Variants in BRDT observed in about 807,000 individuals in gnomAD.
The protein encoded by BRDT is bromodomain testis associated.
In BRDT, 77 loss-of-function variants were observed where a neutral mutation model predicts 113.9. That is an observed-to-expected ratio of 0.68 (90% CI 0.56 to 0.82). BRDT has a LOEUF of 0.82. Ranked by LOEUF, BRDT falls within the 40% of genes least tolerant of loss-of-function variation. The probability of loss-of-function intolerance (pLI) is 0.00; values close to 1 mark genes in which losing one functional copy is unlikely to be tolerated. For missense variants in BRDT, 1,027 were observed against 1,105.4 expected (o/e 0.93, Z 1.01); for synonymous variants, 358 against 366.5 (o/e 0.98, Z 0.26).
At chr1:91,984,423 GCA>G (rs1454005476) in intron 12 of BRDT, among the ~76,000 whole-genome samples, 1 of 151,960 alleles carries the variant, frequency 6.6e-6, no homozygotes, top group Non-Finnish European at 1.5e-5. Flanking sequence ...TAAAAATAAA[GCA>G]CCTACTATTC....
chr1:92,005,418 C>G, intron 18 of BRDT, 119 bp downstream of exon 18: 1 of 882,222 alleles, frequency 1.1e-6, no homozygotes, highest in Non-Finnish European at 1.6e-6. Context: ...GGACTTACCT[C>G]TTTAGTGAGG....
intron 15 of BRDT, among the ~76,000 whole-genome samples, chr1:91,995,940 A>G (rs1335341564): frequency 6.6e-6 from 1 of 152,110 alleles, no homozygotes; most frequent in African/African-American, 2.4e-5. Flanking sequence ...AATTAAAGTT[A>G]TATCTCTTCA....
rs777825898 is a variant in BRDT at position 92,004,592 on chromosome 1, A to C, written c.2567A>C (p.Glu856Ala). ...IRKHLEQNTK[E>A]LKASQENQRD... is the part of the protein sequence containing the mutation. ...AAGCATTTGGAACAAAATACAAAGG[A>C]ACTAAAAGCATCTCAAGAAAATCAG... is the stretch of plus-strand genomic sequence containing the variant. The change falls in exon 17 of 19, where the codon GAA becomes GCA. Residue 856 changes from glutamate (E) to alanine (A), a missense_variant. Transcript: ENST00000399546. 5.0e-6 allele frequency: 8 copies of C among 1,608,060 alleles called. No individual in the cohort carries two copies. In the Admixed American group the frequency reaches 1.2e-4, roughly 24 times the overall value.
At chr1:91,993,977 A>T (rs1392320456) in intron 14 of BRDT, 106 bp from the exon 15 acceptor site, 13 of 937,298 alleles carry the variant, frequency 1.4e-5, no homozygotes, top group Admixed American at 3.2e-5. Flanking sequence ...AAGGTATTTT[A>T]AAAAGGTAGC....
At chr1:92,012,953 T>G (rs1046873854) in intron 18 of BRDT, among the ~76,000 whole-genome samples, 6 of 143,528 alleles carry the variant, frequency 4.2e-5, no homozygotes, top group African/African-American at 1.6e-4. Flanking sequence ...TTGCAGCAGC[T>G]TGCGCCTTGT....
At chr1:91,958,679 G>T (rs1019960974) in intron 1 of BRDT, among the ~76,000 whole-genome samples, 7 of 152,064 alleles carry the variant, frequency 4.6e-5, no homozygotes, top group African/African-American at 1.4e-4. Flanking sequence ...GTGTGGCAAG[G>T]TATTTTTTTT....
intron 16 of BRDT, among the ~76,000 whole-genome samples, chr1:92,002,569 C>T (rs1006544561): frequency 4.6e-5 from 7 of 152,180 alleles, no homozygotes; most frequent in East Asian, 3.9e-4. Flanking sequence ...TGTTTTGCCA[C>T]GTTGGCCAGG....
intron 12 of BRDT, among the ~76,000 whole-genome samples, chr1:91,987,130 G>C: frequency 6.6e-6 from 1 of 151,982 alleles, no homozygotes; most frequent in Non-Finnish European, 1.5e-5. Context: ...ATGTTGGCCA[G>C]GCTGGTCTTG....
At chr1:91,971,103 G>GGT (rs2101622132) in intron 4 of BRDT, among the ~76,000 whole-genome samples, 1 of 152,082 alleles carries the variant, frequency 6.6e-6, no homozygotes, top group African/African-American at 2.4e-5. Context: ...CACATGGTGA[G>GGT]GTGGGGGTAG....
At chr1:91,959,547 CTG>C (rs1206346491) in intron 1 of BRDT, among the ~76,000 whole-genome samples, 19 of 151,752 alleles carry the variant, frequency 1.3e-4, no homozygotes, top group African/African-American at 4.1e-4. Context: ...GTGGCACAAT[CTG>C]AGCTCATTGC....
At chr1:92,008,579 A>G (rs889136698) in intron 18 of BRDT, among the ~76,000 whole-genome samples, 1 of 152,146 alleles carries the variant, frequency 6.6e-6, no homozygotes, top group South Asian at 2.1e-4. Flanking sequence ...ATGGATTTTG[A>G]CAAATGTGTA....
chr1:91,977,007 C>G (rs1239732359), intron 5 of BRDT, 36 bp from the exon 6 acceptor site: 4 of 1,476,258 alleles, frequency 2.7e-6, no homozygotes, highest in Middle Eastern at 3.7e-4. Context: ...AATATCATCT[C>G]AAATATATTT....
intron 4 of BRDT, among the ~76,000 whole-genome samples, chr1:91,972,798 T>C (rs549904044): frequency 6.6e-6 from 1 of 152,328 alleles, no homozygotes; most frequent in African/African-American, 2.4e-5. Context: ...ATGTATTTGA[T>C]TCCTAAGTTT....
chr1:91,982,151 C>T (rs1684788458), intron 12 of BRDT, among the ~76,000 whole-genome samples: 1 of 152,152 alleles, frequency 6.6e-6, no homozygotes, highest in South Asian at 2.1e-4. Context: ...TCTAATGTTG[C>T]AAGGTTGCCA....
At chr1:92,003,053 G>A (rs1306029202) in intron 16 of BRDT, among the ~76,000 whole-genome samples, 1 of 152,152 alleles carries the variant, frequency 6.6e-6, no homozygotes, top group African/African-American at 2.4e-5. Context: ...AAGGTGAGAT[G>A]CTTTAGTTGA....
intron 12 of BRDT, 120 bp downstream of exon 12, chr1:91,981,875 T>C: frequency 8.1e-7 from 1 of 1,237,638 alleles, no homozygotes; most frequent in Non-Finnish European, 1.1e-6. Context: ...TATATCATGC[T>C]AATTATTTAA....
chr1:92,014,137 A>G, intron 18 of BRDT, 69 bp from the exon 19 acceptor site: 1 of 991,514 alleles, frequency 1.0e-6, no homozygotes, highest in Non-Finnish European at 1.5e-6. Context: ...TTGCATAATC[A>G]TTATTGTATA....
intron 12 of BRDT, among the ~76,000 whole-genome samples, chr1:91,987,344 G>C (rs1351938400): frequency 1.3e-5 from 2 of 150,948 alleles, no homozygotes. Flanking sequence ...GTTTTGTTTT[G>C]TTTTTTTGAG....
chr1:91,967,775 T>C (rs1377963042), intron 3 of BRDT, among the ~76,000 whole-genome samples: 1 of 151,958 alleles, frequency 6.6e-6, no homozygotes, highest in Non-Finnish European at 1.5e-5. Context: ...TCAGATGATC[T>C]ACCCCCGCCA....
Sources: allele counts gnomAD v4.1 joint callset (sites outside exome capture counted in the v4.1 genomes callset), GRCh38; gene constraint gnomAD v4.1.1; transcripts MANE v1.5; gene names NCBI Gene and HGNC (gene_info 2026-07-23, HGNC 2026-07-21).